Variants in DPF3 observed in about 807,000 individuals in gnomAD.
DPF3 encodes double PHD fingers 3, also known as zinc finger protein DPF3.
Under a neutral mutation model 56.8 loss-of-function variants are expected in DPF3, and 18 were observed. That is an observed-to-expected ratio of 0.32 (90% CI 0.22 to 0.47). The LOEUF is 0.47. Among genes scored for constraint, DPF3 ranks in the 20% least tolerant of loss-of-function variants. The pLI is 1.00. For synonymous variants in DPF3, 188 were observed against 180.2 expected, an observed-to-expected ratio of 1.04 and a Z score of -0.35; for missense variants, 403 against 488.8, an observed-to-expected ratio of 0.82 and a Z score of 1.65.
rs56725831 is a variant in DPF3, at chr14:72,659,323, C to T, written c.871+14917G>A. Among the ~76,000 whole-genome samples the T allele has an allele frequency of 8.7e-3, 1,319 of 151,466 alleles. 24 individuals carry two copies. The highest frequency in any genetic ancestry group is 0.031 in the African/African-American group (1,269 of 40,720). The stretch of plus-strand genomic sequence containing the variant: ...GATGAGGAACATGATTTCTTTCTCT[C>T]TTTTTCATTCTCTGGCCCATGTGTG... On this transcript the variant is annotated intron_variant, in intron 8 of 10. Transcript: ENST00000556509.
intron 1 of DPF3, among the ~76,000 whole-genome samples, chr14:72,811,771 TC>T (rs1883055432): frequency 1.3e-5 from 2 of 152,250 alleles, no homozygotes; most frequent in Admixed American, 1.3e-4. Flanking sequence ...CAAAACACTT[TC>T]ACATATATTG....
chr14:72,684,879 T>G (rs1887340670), intron 7 of DPF3, among the ~76,000 whole-genome samples: 1 of 151,808 alleles, frequency 6.6e-6, no homozygotes, highest in Non-Finnish European at 1.5e-5. Flanking sequence ...GAGGGTGGGG[T>G]CCTCGTAATG....
At chr14:72,888,730 C>CA (rs1454796276) in intron 1 of DPF3, among the ~76,000 whole-genome samples, 1 of 152,148 alleles carries the variant, frequency 6.6e-6, no homozygotes. Flanking sequence ...CGTAGCTGGG[C>CA]AAAAAATATT....
At chr14:72,859,444 A>C (rs1885295814) in intron 1 of DPF3, among the ~76,000 whole-genome samples, 3 of 146,856 alleles carry the variant, frequency 2.0e-5, no homozygotes, top group African/African-American at 2.5e-5. Flanking sequence ...TCACAGTTTA[A>C]CTTCATTGGT....
chr14:72,702,332 G>C (rs1233321236), intron 6 of DPF3, among the ~76,000 whole-genome samples: 2 of 152,150 alleles, frequency 1.3e-5, no homozygotes, highest in African/African-American at 4.8e-5. Context: ...GTGCTATACA[G>C]GGGCTGTATA....
At chr14:72,688,699 T>G (rs1357500223) in intron 7 of DPF3, among the ~76,000 whole-genome samples, 1 of 152,138 alleles carries the variant, frequency 6.6e-6, no homozygotes, top group Non-Finnish European at 1.5e-5. Flanking sequence ...TGTACATCTA[T>G]GTGTAGGTGT....
intron 1 of DPF3, among the ~76,000 whole-genome samples, chr14:72,852,250 C>A (rs562476843): frequency 2.6e-5 from 4 of 152,104 alleles, no homozygotes; most frequent in Non-Finnish European, 5.9e-5. Flanking sequence ...CCCTAGGAGA[C>A]CACGGAGTGA....
intron 1 of DPF3, among the ~76,000 whole-genome samples, chr14:72,787,826 G>A (rs990918525): frequency 6.6e-6 from 1 of 152,218 alleles, no homozygotes; most frequent in South Asian, 2.1e-4. Flanking sequence ...CAGGTCCGGG[G>A]CCAGAACTGA....
At chr14:72,884,980 C>T (rs1236623556) in intron 1 of DPF3, among the ~76,000 whole-genome samples, 4 of 29,692 alleles carry the variant, frequency 1.3e-4, no homozygotes, top group Admixed American at 4.2e-4. Context: ...ATTAGCCGGG[C>T]GTAAGGCGGG....
intron 7 of DPF3, among the ~76,000 whole-genome samples, chr14:72,690,079 GA>G (rs1263322518): frequency 6.6e-6 from 1 of 152,138 alleles, no homozygotes; most frequent in Middle Eastern, 3.2e-3. Flanking sequence ...GTGAGAAAGA[GA>G]AAAAGGGGAG....
intron 1 of DPF3, among the ~76,000 whole-genome samples, chr14:72,818,583 G>A (rs1045748220): frequency 2.5e-4 from 38 of 152,198 alleles, no homozygotes; most frequent in Admixed American, 2.4e-3. Flanking sequence ...AGGCTGAGGC[G>A]AGAGGACTGC....
At chr14:72,772,674 G>A (rs1599428154) in intron 1 of DPF3, among the ~76,000 whole-genome samples, 1 of 152,154 alleles carries the variant, frequency 6.6e-6, no homozygotes, top group Non-Finnish European at 1.5e-5. Context: ...TTTTGGACAC[G>A]TGGTGATGCT....
intron 3 of DPF3, among the ~76,000 whole-genome samples, chr14:72,736,697 A>G (rs117936594): frequency 0.038 from 5,769 of 152,216 alleles, 205 homozygotes; most frequent in Admixed American, 0.091. Context: ...ACACACTTCT[A>G]TTGAGCCCTT....
chr14:72,789,412 G>A (rs1892339088), intron 1 of DPF3, among the ~76,000 whole-genome samples: 1 of 152,190 alleles, frequency 6.6e-6, no homozygotes, highest in Admixed American at 6.5e-5. Flanking sequence ...CAGAGTCTGG[G>A]CTCTTAACCA....
At chr14:72,783,529 G>A (rs1892076558) in intron 1 of DPF3, among the ~76,000 whole-genome samples, 1 of 152,178 alleles carries the variant, frequency 6.6e-6, no homozygotes, top group Non-Finnish European at 1.5e-5. Flanking sequence ...GCCACCACCT[G>A]ATTCCTGGCC....
chr14:72,863,144 ATATGTG>A (rs1885519602), intron 1 of DPF3, among the ~76,000 whole-genome samples: 6 of 101,926 alleles, frequency 5.9e-5, no homozygotes, highest in African/African-American at 2.4e-4. Context: ...GTGTATATAT[ATATGTG>A]TGTGTGTGTG....
chr14:72,631,778 A>C (rs1014827449), intron 8 of DPF3, among the ~76,000 whole-genome samples: 1 of 152,260 alleles, frequency 6.6e-6, no homozygotes, highest in African/African-American at 2.4e-5. Flanking sequence ...TCAGCTACAC[A>C]TGTATCTATC....
intron 7 of DPF3, among the ~76,000 whole-genome samples, chr14:72,688,295 ATGGGTGGGTGGGTGGGTGGG>A (rs1190134099): frequency 8.3e-5 from 1 of 12,046 alleles, no homozygotes; most frequent in Non-Finnish European, 1.7e-4. Context: ...GGGTGGATGG[ATGGGTGGGTGGGTGGGTGGG>A]TGGGTGGGTG....
intron 1 of DPF3, among the ~76,000 whole-genome samples, chr14:72,869,201 G>T (rs1599510971): frequency 6.6e-6 from 1 of 152,118 alleles, no homozygotes; most frequent in Admixed American, 6.6e-5. Flanking sequence ...GACCAGAAAA[G>T]GTCCCCCTAC....
Sources: gnomAD v4.1 joint callset for allele counts (sites outside exome capture counted in the v4.1 genomes callset) on GRCh38, gnomAD v4.1.1 for gene constraint, MANE v1.5 for transcripts, NCBI Gene and HGNC (gene_info 2026-07-23, HGNC 2026-07-21) for gene names.